FAM53A: variants seen among roughly 807,000 people sequenced by gnomAD.
The protein encoded by FAM53A is protein FAM53A.
A neutral mutation model predicts 26.6 loss-of-function variants in FAM53A; 28 were observed. That is an observed-to-expected ratio of 1.05 (90% confidence interval 0.78 to 1.45). FAM53A has a LOEUF of 1.45. Ranked by LOEUF, FAM53A falls within the 40% of genes most tolerant of loss-of-function variation. The probability of loss-of-function intolerance (pLI) is 0.00; values close to 1 mark genes in which losing one functional copy is unlikely to be tolerated. For synonymous variants in FAM53A, 290 were observed against 253.1 expected, an observed-to-expected ratio of 1.15 and a Z score of -1.38; for missense variants, 650 against 575.8, an observed-to-expected ratio of 1.13 and a Z score of -1.32.
intron 1 of FAM53A, among the ~76,000 whole-genome samples, chr4:1,672,910 C>T (rs1250297477): frequency 6.6e-6 from 1 of 151,880 alleles, no homozygotes; most frequent in African/African-American, 2.4e-5. Flanking sequence ...GCCGGGATTA[C>T]AGGCACACAC....
In FAM53A at chr4:1,659,579, C is replaced by T. The variant is rs2108940652; in HGVS notation, c.76-2111G>A. The stretch of plus-strand genomic sequence containing the variant: ...CGGGGGCAGCAGCTACTCCCAGTGG[C>T]ACTGGCCGTGTGGGATGTGGGTGCA... On this transcript the variant is annotated intron_variant, in intron 2 of 4. Transcript: ENST00000308132. This position sits in a 1 kb window ranked among gnomAD's most constrained non-coding sequence, Gnocchi z 5.2. Among the ~76,000 whole-genome samples, 1 of 152,342 alleles carries T rather than the reference C, an allele frequency of 6.6e-6. No homozygotes were observed. The highest frequency in any genetic ancestry group is 2.1e-4 in the South Asian group (1 of 4,832).
chr4:1,611,152 C>T, the FAM53A span, among the ~76,000 whole-genome samples: 3 of 152,214 alleles, frequency 2.0e-5, no homozygotes, highest in Non-Finnish European at 4.4e-5. Context: ...GCCCGGCTCA[C>T]AGGAAGCAGG....
At chr4:1,577,623 T>C in the FAM53A span, among the ~76,000 whole-genome samples, 1 of 152,230 alleles carries the variant, frequency 6.6e-6, no homozygotes, top group Non-Finnish European at 1.5e-5. Flanking sequence ...CGGCTGCCTG[T>C]TGTGCGCCAA....
chr4:1,636,497 C>T (rs55807287), downstream of FAM53A, among the ~76,000 whole-genome samples: 1 of 152,252 alleles, frequency 6.6e-6, no homozygotes, highest in Non-Finnish European at 1.5e-5. Context: ...AGATCCCGTC[C>T]GTCCTCGCGC....
chr4:1,631,192 G>C (rs561307443), intron 1 of FAM53A, among the ~76,000 whole-genome samples: 1 of 152,362 alleles, frequency 6.6e-6, no homozygotes, highest in South Asian at 2.1e-4. Flanking sequence ...CATACGACTT[G>C]GAGCGGGGCT....
intron 1 of FAM53A, among the ~76,000 whole-genome samples, chr4:1,676,531 G>A (rs949488724): frequency 6.6e-6 from 1 of 152,006 alleles, no homozygotes; most frequent in Admixed American, 6.6e-5. Context: ...TCACCACGGC[G>A]ACACACACAG....
chr4:1,596,779 G>C, the FAM53A span, among the ~76,000 whole-genome samples: 1 of 152,192 alleles, frequency 6.6e-6, no homozygotes, highest in Non-Finnish European at 1.5e-5. Flanking sequence ...GAAAGACAGA[G>C]AGAGAGAGAG....
intron 1 of FAM53A, among the ~76,000 whole-genome samples, chr4:1,625,467 C>T (rs56032597): frequency 1.2e-5 from 1 of 80,220 alleles, no homozygotes; most frequent in Non-Finnish European, 2.2e-5. Context: ...TCCCGGCCCA[C>T]GTGGTCAGGG....
chr4:1,606,493 T>G, the FAM53A span, among the ~76,000 whole-genome samples: 15 of 152,132 alleles, frequency 9.9e-5, no homozygotes, highest in Admixed American at 9.8e-4. Flanking sequence ...CCCCACTGTT[T>G]CATGCAGAGG....
chr4:1,594,705 G>A, the FAM53A span, among the ~76,000 whole-genome samples: 7 of 152,126 alleles, frequency 4.6e-5, no homozygotes, highest in Non-Finnish European at 8.8e-5. Context: ...AGCCGGGTGT[G>A]GTGGCTCCAC....
In FAM53A at chr4:1,641,358, C is replaced by T. The variant is rs199624823; in HGVS notation, c.1132G>A (p.Gly378Arg). 4.7e-5 allele frequency: 75 copies of T among 1,610,698 alleles called. No homozygotes were observed. Among genetic ancestry groups the T allele is most frequent in the African/African-American group, 1.7e-4 (13 of 74,826 alleles). Residue 378 changes from glycine (G) to arginine (R), a missense_variant, in exon 5 of 5, where the codon GGG (glycine) becomes AGG (arginine). By Grantham distance (125) the Gly-to-Arg change is moderately radical. Transcript: ENST00000308132. ...GCCCGGGGGAAGACGCCCTCCTCCCCGACACTGTCCCCATCACGGGGGTCC... is the reference window on the plus strand; with the variant it reads ...GCCCGGGGGAAGACGCCCTCCTCCCTGACACTGTCCCCATCACGGGGGTCC... ...SGDPRDGDSV[G>R]EEGVFPRARW...
At chr4:1,622,588 G>A (rs887461982) in intron 1 of FAM53A, among the ~76,000 whole-genome samples, 3 of 152,222 alleles carry the variant, frequency 2.0e-5, no homozygotes, top group African/African-American at 7.2e-5. Context: ...ACACAAACAG[G>A]GGCAGAGGGG....
chr4:1,616,717 T>C (rs1448800057), downstream of FAM53A, among the ~76,000 whole-genome samples: 1 of 152,252 alleles, frequency 6.6e-6, no homozygotes, highest in Non-Finnish European at 1.5e-5. Context: ...AAGCTTGGAT[T>C]GGTGACAGTC....
chr4:1,636,962 T>TC (rs1715871644), downstream of FAM53A, among the ~76,000 whole-genome samples: 1 of 151,290 alleles, frequency 6.6e-6, no homozygotes. Context: ...CATCTGCCCC[T>TC]CCTCCCCCCA....
At chr4:1,578,733 C>T in the FAM53A span, among the ~76,000 whole-genome samples, 3 of 142,790 alleles carry the variant, frequency 2.1e-5, no homozygotes, top group Admixed American at 2.1e-4. Context: ...CCACCGTCAC[C>T]AGGGAAGGGA....
At chr4:1,657,371 T>C (rs774398707) in intron 3 of FAM53A, 37 bp downstream of exon 3, 10 of 1,595,796 alleles carry the variant, frequency 6.3e-6, no homozygotes, top group Admixed American at 1.7e-5. Context: ...GTCCCAGCCC[T>C]GCTCAGGCCT....
At chr4:1,682,264 C>CTTTTT (rs3993306) in intron 1 of FAM53A, among the ~76,000 whole-genome samples, 1 of 130,290 alleles carries the variant, frequency 7.7e-6, no homozygotes, top group Non-Finnish European at 1.6e-5. Flanking sequence ...TTTTAATTTC[C>CTTTTT]TTTTTTTTTT....
At chr4:1,626,142 G>A (rs1560112234) in intron 1 of FAM53A, among the ~76,000 whole-genome samples, 1 of 152,208 alleles carries the variant, frequency 6.6e-6, no homozygotes, top group African/African-American at 2.4e-5. Flanking sequence ...TGACCCTGGT[G>A]CATAGGGCTT....
At chr4:1,609,110 G>C in the FAM53A span, among the ~76,000 whole-genome samples, 1 of 152,074 alleles carries the variant, frequency 6.6e-6, no homozygotes, top group Non-Finnish European at 1.5e-5. Flanking sequence ...GAGCCCCCTA[G>C]GCCTCTGGGA....
Sources: gnomAD v4.1 joint callset for allele counts (sites outside exome capture counted in the v4.1 genomes callset) on GRCh38, gnomAD v4.1.1 for gene constraint, Gnocchi (gnomAD v3.1) non-coding constraint, MANE v1.5 for transcripts, NCBI Gene and HGNC (gene_info 2026-07-23, HGNC 2026-07-21) for gene names.